Variants in UNC5D observed in about 807,000 individuals in gnomAD.
The protein encoded by UNC5D is unc-5 netrin receptor D.
A neutral mutation model predicts 105.4 loss-of-function variants in UNC5D; 39 were observed. The observed-to-expected ratio is 0.37, with a 90% CI of 0.29 to 0.48. The LOEUF is 0.48. UNC5D is among the 20% of genes least tolerant of loss of function. UNC5D has a pLI of 0.98. For missense variants in UNC5D, 991 were observed against 1,202.4 expected (o/e 0.82, Z 2.60); for synonymous variants, 452 against 450.4 (o/e 1.00, Z -0.04).
intron 4 of UNC5D, among the ~76,000 whole-genome samples, chr8:35,658,092 A>G (rs1286780727): frequency 6.6e-6 from 1 of 152,178 alleles, no homozygotes; most frequent in Non-Finnish European, 1.5e-5. Context: ...CCCTAACAGA[A>G]TTCGTATTTT....
At chr8:35,269,953 A>G (rs1009688638) in intron 1 of UNC5D, among the ~76,000 whole-genome samples, 1 of 152,188 alleles carries the variant, frequency 6.6e-6, no homozygotes, top group Non-Finnish European at 1.5e-5. Flanking sequence ...CCCAGCCACT[A>G]AAGTATGAGA....
intron 11 of UNC5D, among the ~76,000 whole-genome samples, chr8:35,747,741 G>C (rs967650477): frequency 3.9e-5 from 6 of 152,138 alleles, no homozygotes; most frequent in African/African-American, 1.2e-4. Flanking sequence ...AAAGAGGGAG[G>C]CATTCAATGA....
chr8:35,463,927 T>C (rs998264303), intron 1 of UNC5D, among the ~76,000 whole-genome samples: 7 of 152,216 alleles, frequency 4.6e-5, no homozygotes, highest in Middle Eastern at 3.4e-3. Context: ...GCTTAAAAAG[T>C]GGGCGGTAGA....
At chr8:35,420,890 G>A (rs1805859098) in intron 1 of UNC5D, among the ~76,000 whole-genome samples, 1 of 152,128 alleles carries the variant, frequency 6.6e-6, no homozygotes, top group Admixed American at 6.5e-5. Context: ...AGTCAAGTAG[G>A]ATACAGGTCA....
intron 1 of UNC5D, among the ~76,000 whole-genome samples, chr8:35,248,374 TATATAA>T (rs1182484746): frequency 9.3e-6 from 1 of 107,144 alleles, no homozygotes; most frequent in African/African-American, 3.9e-5. Context: ...ATAGATATAA[TATATAA>T]ATATATGTTA....
At chr8:35,471,638 T>C (rs1225328943) in intron 1 of UNC5D, among the ~76,000 whole-genome samples, 2 of 152,232 alleles carry the variant, frequency 1.3e-5, no homozygotes, top group Admixed American at 6.5e-5. Context: ...TAGCTTTTCC[T>C]TGTGTTTTTT....
At chr8:35,489,333 A>C (rs535190389) in intron 1 of UNC5D, among the ~76,000 whole-genome samples, 1 of 152,016 alleles carries the variant, frequency 6.6e-6, no homozygotes. Context: ...ACACCCTAAC[A>C]CCCGGCCACC....
chr8:35,380,588 A>T (rs757154355), intron 1 of UNC5D, among the ~76,000 whole-genome samples: 1 of 152,132 alleles, frequency 6.6e-6, no homozygotes, highest in African/African-American at 2.4e-5. Flanking sequence ...AATATTGATT[A>T]TTCTTTTTAT....
chr8:35,577,802 T>G (rs1274356659), intron 3 of UNC5D, among the ~76,000 whole-genome samples: 2 of 152,224 alleles, frequency 1.3e-5, no homozygotes, highest in Admixed American at 1.3e-4. Flanking sequence ...AGGAAAATCC[T>G]GTAGTACACC....
At chr8:35,716,806 C>T (rs1342527760) in intron 8 of UNC5D, among the ~76,000 whole-genome samples, 5 of 152,132 alleles carry the variant, frequency 3.3e-5, no homozygotes, top group Non-Finnish European at 1.5e-5. Context: ...TGGCTAACTA[C>T]TTAAAAGCTA....
chr8:35,542,917 A>G (rs1815376215), intron 1 of UNC5D, among the ~76,000 whole-genome samples: 1 of 152,198 alleles, frequency 6.6e-6, no homozygotes, highest in African/African-American at 2.4e-5. Context: ...GATGATGCTG[A>G]AGGTTGTGGT....
At chr8:35,597,383 G>C (rs945851694) in intron 4 of UNC5D, among the ~76,000 whole-genome samples, 1 of 152,134 alleles carries the variant, frequency 6.6e-6, no homozygotes, top group African/African-American at 2.4e-5. Flanking sequence ...TCCTGAACAG[G>C]GTGTTAAGTG....
chr8:35,460,099 A>G (rs914965848), intron 1 of UNC5D, among the ~76,000 whole-genome samples: 3 of 152,192 alleles, frequency 2.0e-5, no homozygotes, highest in African/African-American at 7.2e-5. Flanking sequence ...CAATAAGCTT[A>G]CTTTTACATA....
intron 1 of UNC5D, among the ~76,000 whole-genome samples, chr8:35,430,791 CT>C: frequency 6.6e-6 from 1 of 152,272 alleles, no homozygotes; most frequent in Non-Finnish European, 1.5e-5. Context: ...CAGATAACCC[CT>C]ATCAGCTCTG....
Position 35,523,085 on chromosome 8 carries a change from G to GTTT in UNC5D, c.104-26193_104-26191dup, listed in dbSNP as rs200458289. The stretch of plus-strand genomic sequence containing the variant: ...TAATTACAGTGGTGCCATTGTATTA[G>GTTT]TTTTTTTTTTTTTTTTGAGACTGGG... On this transcript the variant is annotated intron_variant, in intron 1 of 16. Coordinates refer to ENST00000404895, the MANE Select transcript of UNC5D (RefSeq NM_080872.4). Among the ~76,000 whole-genome samples the GTTT allele has an allele frequency of 3.0e-4, 41 of 134,932 alleles. 1 individual carries two copies. Among genetic ancestry groups the GTTT allele is most frequent in the African/African-American group, 8.8e-4 (32 of 36,194 alleles). The allele number at this position is 134,932 out of a possible 152,430, so 88.5% of individuals were successfully genotyped here. A position where few individuals can be genotyped will look rare whatever the true frequency, so the allele number is the denominator to read the frequency against.
intron 1 of UNC5D, among the ~76,000 whole-genome samples, chr8:35,543,527 G>T (rs1191896227): frequency 1.3e-5 from 2 of 152,098 alleles, no homozygotes; most frequent in African/African-American, 4.8e-5. Context: ...TGTTTTTCTT[G>T]CTAATGTTCA....
rs146959118 is a variant in UNC5D at position 35,697,794 on chromosome 8, G to A, written c.1085-8135G>A. On this transcript the variant is annotated intron_variant, in intron 7 of 16. Coordinates refer to ENST00000404895, the MANE Select transcript of UNC5D (RefSeq NM_080872.4). ...ACAGGTAATTTGGTCTGTAATGTTA[G>A]ATAAATGTTTGGTCTAGCATGAGGA... Among the ~76,000 whole-genome samples, 1,138 of 152,250 alleles carry A rather than the reference G, an allele frequency of 7.5e-3. 6 individuals are homozygous for A. The highest frequency in any genetic ancestry group is 0.014 in the Admixed American group (207 of 15,282).
At chr8:35,682,831 A>C (rs990653999) in intron 4 of UNC5D, among the ~76,000 whole-genome samples, 2 of 152,150 alleles carry the variant, frequency 1.3e-5, no homozygotes, top group African/African-American at 4.8e-5. Context: ...ACACATCCGA[A>C]ATGGGAGTAC....
intron 1 of UNC5D, among the ~76,000 whole-genome samples, chr8:35,418,109 T>C (rs1805643307): frequency 6.6e-6 from 1 of 152,154 alleles, no homozygotes; most frequent in African/African-American, 2.4e-5. Context: ...AAAATAGAGA[T>C]AGGGGATTGA....
Sources: gnomAD v4.1 joint callset for allele counts (sites outside exome capture counted in the v4.1 genomes callset) on GRCh38, gnomAD v4.1.1 for gene constraint, MANE v1.5 for transcripts, NCBI Gene and HGNC (gene_info 2026-07-23, HGNC 2026-07-21) for gene names.